RALGPS1: variants seen among roughly 807,000 people sequenced by gnomAD.
RALGPS1 encodes the protein Ral GEF with PH domain and SH3 binding motif 1.
In RALGPS1, 19 loss-of-function variants were observed where a neutral mutation model predicts 78.8. That is an observed-to-expected ratio of 0.24 (90% CI 0.17 to 0.35). RALGPS1 has a LOEUF of 0.35. Among genes scored for constraint, RALGPS1 ranks in the 10% least tolerant of loss-of-function variants. RALGPS1 has a pLI of 1.00. For missense variants in RALGPS1, 454 were observed against 688.3 expected, an observed-to-expected ratio of 0.66 and a Z score of 3.81; for synonymous variants, 228 against 256.3, an observed-to-expected ratio of 0.89 and a Z score of 1.06.
chr9:126,993,138 GT>G (rs1444438194), intron 4 of RALGPS1, among the ~76,000 whole-genome samples: 2 of 152,094 alleles, frequency 1.3e-5, no homozygotes, highest in East Asian at 3.8e-4. Flanking sequence ...TAATCATATG[GT>G]TTTTCTTTTT....
chr9:126,988,804 G>A (rs968131512), intron 4 of RALGPS1, among the ~76,000 whole-genome samples: 1 of 152,208 alleles, frequency 6.6e-6, no homozygotes, highest in Non-Finnish European at 1.5e-5. Context: ...TGTGTCTGGA[G>A]AAAAGTGGGC....
At position 127,212,688 on chromosome 9, in the gene RALGPS1, C is replaced by G. The variant is rs138132214; in HGVS notation, c.1415C>G (p.Ala472Gly). The G allele has an allele frequency of 1.2e-6, 2 of 1,613,386 alleles. No individual in the cohort carries two copies. The highest frequency in any genetic ancestry group is 1.7e-6 in the Non-Finnish European group (2 of 1,179,524). The change falls in exon 16 of 19, where the codon GCC (alanine) becomes GGC (glycine). Residue 472 changes from alanine (A) to glycine (G), a missense_variant. By Grantham distance (60) the Ala-to-Gly change is moderately conservative. Transcript: ENST00000259351. This position sits in a 1 kb window ranked among gnomAD's most constrained non-coding sequence, Gnocchi z 6.0. ...GGATCCACCCTCCTGTACTACGGAG[C>G]CAAGTCCTTGCGGGGCACAGACAGA... ...LSGSTLLYYG[A>G]KSLRGTDRKH... is the part of the protein sequence containing the mutation.
intron 8 of RALGPS1, chr9:127,107,921 G>T (rs1250287779): frequency 6.5e-7 from 1 of 1,530,332 alleles, no homozygotes; most frequent in Non-Finnish European, 8.8e-7. Context: ...TTACCCGACG[G>T]CTTGTCGGTG....
intron 4 of RALGPS1, among the ~76,000 whole-genome samples, chr9:127,026,336 C>G (rs1295893768): frequency 6.6e-6 from 1 of 152,190 alleles, no homozygotes; most frequent in East Asian, 1.9e-4. Flanking sequence ...AAGGGTGAGT[C>G]TGCCTTCCCC....
At chr9:126,983,030 G>A (rs1295082800) in intron 4 of RALGPS1, among the ~76,000 whole-genome samples, 3 of 135,270 alleles carry the variant, frequency 2.2e-5, no homozygotes, top group Admixed American at 8.2e-5. Context: ...TCTGCCTCCC[G>A]GGTTCAAACA....
intron 1 of RALGPS1, among the ~76,000 whole-genome samples, chr9:126,958,682 A>T (rs1029880172): frequency 4.6e-5 from 7 of 152,064 alleles, no homozygotes; most frequent in African/African-American, 1.7e-4. Context: ...AAACATTTGG[A>T]GGGTTTGTAG....
At chr9:127,070,467 T>C (rs1589303760) in intron 8 of RALGPS1, among the ~76,000 whole-genome samples, 1 of 152,362 alleles carries the variant, frequency 6.6e-6, no homozygotes, top group East Asian at 1.9e-4. Context: ...CAAAAACGTA[T>C]GCCTTTTCAT....
At chr9:127,123,478 A>G (rs1005407377) in intron 8 of RALGPS1, among the ~76,000 whole-genome samples, 3 of 152,300 alleles carry the variant, frequency 2.0e-5, no homozygotes, top group African/African-American at 7.2e-5. Flanking sequence ...CACAGTGTCA[A>G]GGACGCCTCC....
At chr9:126,945,451 G>C (rs2037170866) in intron 1 of RALGPS1, among the ~76,000 whole-genome samples, 1 of 152,184 alleles carries the variant, frequency 6.6e-6, no homozygotes, top group Admixed American at 6.5e-5. Context: ...GCCTGCCTCA[G>C]CCTCCCAAAG....
At chr9:127,127,226 ATTC>A (rs2056680051) in intron 8 of RALGPS1, among the ~76,000 whole-genome samples, 1 of 152,102 alleles carries the variant, frequency 6.6e-6, no homozygotes, top group East Asian at 1.9e-4. Context: ...TTTCAGATTC[ATTC>A]TTCTGTGTGT....
At chr9:127,198,982 C>A in intron 13 of RALGPS1, 33 bp from the exon 14 acceptor site, 1 of 1,602,974 alleles carries the variant, frequency 6.2e-7, no homozygotes, top group Non-Finnish European at 8.5e-7. Flanking sequence ...TCTGTGAAGC[C>A]GTTGTGCTCA....
In RALGPS1 at chr9:126,929,179, A is replaced by G. The variant is rs187842385; in HGVS notation, c.-66+14204A>G. ...TAAATGTTTGAAATGAACAACATCA[A>G]CAGTAACAAGGTCAGTATGAGATTA... On this transcript the variant is annotated intron_variant, in intron 1 of 18. Transcript: ENST00000259351. Among the ~76,000 whole-genome samples, 422 of 152,372 alleles carry G rather than the reference A, an allele frequency of 2.8e-3. 3 individuals are homozygous for G. The highest frequency in any genetic ancestry group is 9.5e-3 in the African/African-American group (397 of 41,590).
In RALGPS1 at chr9:127,206,212, C is replaced by T. The variant is rs554402989; in HGVS notation, c.1248-5919C>T. On this transcript the variant is annotated intron_variant, in intron 14 of 18. Coordinates refer to ENST00000259351, the MANE Select transcript of RALGPS1 (RefSeq NM_014636.3). ...TCACCTGGGCCCTTCCACATGTGCA[C>T]TCCTACCCAGGCTCTGTGGACTTGA... 9.8e-5 allele frequency among the ~76,000 whole-genome samples: 15 copies of T among 152,368 alleles called. No individual in the cohort carries two copies. The East Asian group carries it at 2.9e-3, about 29-fold the overall frequency.
chr9:127,123,114 G>C (rs1006645029), intron 8 of RALGPS1, among the ~76,000 whole-genome samples: 22 of 152,374 alleles, frequency 1.4e-4, no homozygotes, highest in Non-Finnish European at 1.8e-4. Context: ...CTGGCGGGCG[G>C]GGCAGCTCAG....
chr9:127,099,311 C>G (rs2053486904), intron 8 of RALGPS1, among the ~76,000 whole-genome samples: 1 of 152,224 alleles, frequency 6.6e-6, no homozygotes, highest in Non-Finnish European at 1.5e-5. Context: ...TGTGATATCA[C>G]TAAGATGCAG....
chr9:126,974,878 A>G (rs2040453907), intron 3 of RALGPS1, among the ~76,000 whole-genome samples: 2 of 151,332 alleles, frequency 1.3e-5, no homozygotes, highest in African/African-American at 4.8e-5. Context: ...TGAGGGAGGG[A>G]CAGGGCGCTG....
chr9:127,084,384 G>C (rs2051480645), intron 8 of RALGPS1, among the ~76,000 whole-genome samples: 1 of 152,208 alleles, frequency 6.6e-6, no homozygotes, highest in African/African-American at 2.4e-5. Context: ...CCTCCCTGGA[G>C]TAATGTATAG....
At chr9:127,134,047 G>C (rs944397353) in intron 8 of RALGPS1, among the ~76,000 whole-genome samples, 1 of 151,900 alleles carries the variant, frequency 6.6e-6, no homozygotes, top group African/African-American at 2.4e-5. Flanking sequence ...ACACAGAGAG[G>C]AGCTTCACGT....
intron 7 of RALGPS1, among the ~76,000 whole-genome samples, chr9:127,059,244 G>T (rs1290224713): frequency 6.6e-6 from 1 of 152,126 alleles, no homozygotes; most frequent in African/African-American, 2.4e-5. Context: ...GTGGTGATAG[G>T]CCTGAGCTGC....
Sources: gnomAD v4.1 joint callset for allele counts (sites outside exome capture counted in the v4.1 genomes callset) on GRCh38, gnomAD v4.1.1 for gene constraint, Gnocchi (gnomAD v3.1) non-coding constraint, MANE v1.5 for transcripts, NCBI Gene and HGNC (gene_info 2026-07-23, HGNC 2026-07-21) for gene names.